Variants in ARHGAP44 observed in about 807,000 individuals in gnomAD.
The protein encoded by ARHGAP44 is rho GTPase-activating protein 44.
In ARHGAP44, 43 loss-of-function variants were observed where a neutral mutation model predicts 106.8. The observed-to-expected ratio is 0.40, with a 90% CI of 0.32 to 0.52. The LOEUF (loss-of-function observed/expected upper bound fraction) is 0.52, where lower values mean the gene tolerates loss of function less well. ARHGAP44 is among the 20% of genes least tolerant of loss of function. The pLI is 0.48. For synonymous variants in ARHGAP44, 439 were observed against 410.3 expected (o/e 1.07, Z -0.85); for missense variants, 866 against 1,050.5 (o/e 0.82, Z 2.43).
At chr17:12,886,509 T>C (rs2036886111) in intron 1 of ARHGAP44, among the ~76,000 whole-genome samples, 1 of 152,192 alleles carries the variant, frequency 6.6e-6, no homozygotes, top group African/African-American at 2.4e-5. Context: ...TTTTTAGCTT[T>C]CTGCCTATAC....
intron 1 of ARHGAP44, among the ~76,000 whole-genome samples, chr17:12,830,134 C>G (rs1170472698): frequency 6.6e-6 from 1 of 152,090 alleles, no homozygotes; most frequent in African/African-American, 2.4e-5. Flanking sequence ...GGATTGAAGC[C>G]TTTTTAGTAA....
In ARHGAP44 at chr17:12,945,591, G is replaced by A. The variant is rs547963800; in HGVS notation, c.861+1395G>A. Among the ~76,000 whole-genome samples the A allele has an allele frequency of 1.1e-4, 16 of 152,236 alleles. No individual in the cohort carries two copies. In the East Asian group the frequency reaches 1.9e-3, roughly 18 times the overall value. On this transcript the variant is annotated intron_variant, in intron 10 of 20. Transcript: ENST00000379672. ...GAACAGTCTGTAAGTCTCTAAGGGA[G>A]CACTAAGTTATATGGGACAAAGTAA...
intron 4 of ARHGAP44, among the ~76,000 whole-genome samples, chr17:12,912,656 A>G (rs1231640655): frequency 6.6e-6 from 1 of 152,230 alleles, no homozygotes; most frequent in African/African-American, 2.4e-5. Context: ...CAAAGAGTCT[A>G]CAACCTTCTA....
At chr17:12,916,714 T>A (rs2037928086) in intron 5 of ARHGAP44, among the ~76,000 whole-genome samples, 1 of 152,192 alleles carries the variant, frequency 6.6e-6, no homozygotes, top group Admixed American at 6.5e-5. Context: ...GTCCCTTGTC[T>A]TTGGACTTTA....
At chr17:12,940,576 A>C (rs536980002) in intron 7 of ARHGAP44, among the ~76,000 whole-genome samples, 1 of 152,270 alleles carries the variant, frequency 6.6e-6, no homozygotes, top group South Asian at 2.1e-4. Context: ...GCTTCCTCCA[A>C]ATTGGTGCAT....
At chr17:12,861,462 G>A (rs559702088) in intron 1 of ARHGAP44, among the ~76,000 whole-genome samples, 1 of 152,044 alleles carries the variant, frequency 6.6e-6, no homozygotes, top group Admixed American at 6.6e-5. Context: ...GGAGGCTCTA[G>A]GGGAGAATTA....
intron 1 of ARHGAP44, among the ~76,000 whole-genome samples, chr17:12,889,047 G>T (rs911666563): frequency 1.3e-5 from 2 of 152,084 alleles, no homozygotes; most frequent in African/African-American, 4.8e-5. Context: ...TTTAATTGGT[G>T]TGTTTAGGCT....
chr17:12,962,498 C>T (rs72635537), intron 16 of ARHGAP44, among the ~76,000 whole-genome samples: 17,845 of 152,098 alleles, frequency 0.12, 1,552 homozygotes, highest in East Asian at 0.48. Context: ...ATAAGGATCT[C>T]GAAATAAGGA....
chr17:12,886,817 AC>A (rs1287191780), intron 1 of ARHGAP44, among the ~76,000 whole-genome samples: 1 of 152,086 alleles, frequency 6.6e-6, no homozygotes, highest in Non-Finnish European at 1.5e-5. Flanking sequence ...AACTTCCAGG[AC>A]CATGATGAAT....
At chr17:12,975,101 C>T (rs558814601) in intron 18 of ARHGAP44, among the ~76,000 whole-genome samples, 3 of 152,178 alleles carry the variant, frequency 2.0e-5, no homozygotes, top group African/African-American at 4.8e-5. Flanking sequence ...CCACCCGCCT[C>T]GGCCTCCCAA....
intron 16 of ARHGAP44, 115 bp from the exon 17 acceptor site, chr17:12,973,187 C>A: frequency 1.9e-6 from 2 of 1,036,204 alleles, no homozygotes; most frequent in Non-Finnish European, 2.8e-6. Flanking sequence ...CAATAAAAAT[C>A]CCACCCCAAG....
intron 6 of ARHGAP44, 120 bp downstream of exon 6, chr17:12,919,951 T>G (rs1286318165): frequency 1.3e-6 from 1 of 744,760 alleles, no homozygotes; most frequent in East Asian, 2.8e-5. Flanking sequence ...ACACCTAACG[T>G]GTACCAGGCA....
At chr17:12,938,966 C>T (rs905795390) in intron 7 of ARHGAP44, among the ~76,000 whole-genome samples, 25 of 152,154 alleles carry the variant, frequency 1.6e-4, no homozygotes, top group African/African-American at 4.6e-4. Context: ...TTTGATGCAA[C>T]GTTTAGTCCT....
chr17:12,879,407 C>G (rs1168499475), intron 1 of ARHGAP44, among the ~76,000 whole-genome samples: 1 of 152,072 alleles, frequency 6.6e-6, no homozygotes, highest in East Asian at 1.9e-4. Context: ...TTCGCAGTTG[C>G]AAATTGTGCT....
chr17:12,899,750 G>A (rs191539428), intron 3 of ARHGAP44, among the ~76,000 whole-genome samples: 4 of 152,298 alleles, frequency 2.6e-5, no homozygotes, highest in Non-Finnish European at 5.9e-5. Flanking sequence ...GGGGATCCAT[G>A]CAATATTCTG....
intron 1 of ARHGAP44, among the ~76,000 whole-genome samples, chr17:12,846,098 G>GA (rs200182544): frequency 0.23 from 33,180 of 144,836 alleles, 5,408 homozygotes; most frequent in African/African-American, 0.46. Context: ...TGGTTTCCAG[G>GA]AAAAAAAAAA....
At chr17:12,939,702 G>A (rs1237694366) in intron 7 of ARHGAP44, among the ~76,000 whole-genome samples, 5 of 152,252 alleles carry the variant, frequency 3.3e-5, no homozygotes, top group East Asian at 1.9e-4. Flanking sequence ...TCCTGACCTC[G>A]TGATCCACCT....
chr17:12,867,869 A>G (rs2036278215), intron 1 of ARHGAP44, among the ~76,000 whole-genome samples: 1 of 152,194 alleles, frequency 6.6e-6, no homozygotes, highest in African/African-American at 2.4e-5. Flanking sequence ...ACGTATAAGA[A>G]ACCAAAACTG....
intron 1 of ARHGAP44, among the ~76,000 whole-genome samples, chr17:12,830,122 G>A (rs2035040941): frequency 6.6e-6 from 1 of 152,164 alleles, no homozygotes; most frequent in South Asian, 2.1e-4. Flanking sequence ...GGGATTGCAA[G>A]GGGATTGAAG....
Sources: gnomAD v4.1 joint callset for allele counts (sites outside exome capture counted in the v4.1 genomes callset) on GRCh38, gnomAD v4.1.1 for gene constraint, MANE v1.5 for transcripts, NCBI Gene and HGNC (gene_info 2026-07-23, HGNC 2026-07-21) for gene names.